The following CYP4F12 variants were observed in gnomAD, a reference collection of about 807,000 sequenced individuals.
The protein encoded by CYP4F12 is cytochrome P450 4F12.
Under a neutral mutation model 56.5 loss-of-function variants are expected in CYP4F12, and 60 were observed. That is an observed-to-expected ratio of 1.06 (90% CI 0.86 to 1.32). The LOEUF is 1.32. Among genes scored for constraint, CYP4F12 ranks in the 40% most tolerant of loss-of-function variants. CYP4F12 has a pLI of 0.00. For missense variants in CYP4F12, 711 were observed against 683.5 expected, an observed-to-expected ratio of 1.04 and a Z score of -0.45; for synonymous variants, 263 against 264.9, an observed-to-expected ratio of 0.99 and a Z score of 0.07.
At chr19:15,694,840 AG>A (rs1256766099) in intron 9 of CYP4F12, among the ~76,000 whole-genome samples, 2 of 152,244 alleles carry the variant, frequency 1.3e-5, no homozygotes, top group Admixed American at 1.3e-4. Flanking sequence ...ATCATTAAAA[AG>A]TCAGGAAACA....
intron 9 of CYP4F12, among the ~76,000 whole-genome samples, chr19:15,688,664 A>C (rs528831508): frequency 6.6e-6 from 1 of 152,326 alleles, no homozygotes; most frequent in East Asian, 1.9e-4. Flanking sequence ...AATACCAAGC[A>C]AAAAGAAAAA....
chr19:15,694,569 T>C (rs2008032738), intron 9 of CYP4F12, among the ~76,000 whole-genome samples: 1 of 152,202 alleles, frequency 6.6e-6, no homozygotes, highest in African/African-American at 2.4e-5. Context: ...AAGTTGCTTA[T>C]CAGCTTAAGG....
intron 7 of CYP4F12, chr19:15,684,583 G>C (rs948213267): frequency 2.2e-6 from 1 of 451,878 alleles, no homozygotes; most frequent in Non-Finnish European, 3.9e-6. Flanking sequence ...ATTGATTCCT[G>C]TCACCAGGGT....
chr19:15,686,100 T>TAGGCAAGG (rs2007590716), intron 9 of CYP4F12, among the ~76,000 whole-genome samples: 1 of 152,082 alleles, frequency 6.6e-6, no homozygotes, highest in African/African-American at 2.4e-5. Context: ...CCAGTCCACA[T>TAGGCAAGG]AGGCAAGGAT....
rs952859841 is a variant in CYP4F12, at chr19:15,687,175, G to C, written c.1115+1978G>C. On this transcript the variant is annotated intron_variant, in intron 9 of 12. Transcript: ENST00000550308. ...GCCTGTAGTCCCAGCTACTCTGGAG[G>C]CTGAGGCAGGAGAATGGCGTGAACC... 5.3e-5 allele frequency among the ~76,000 whole-genome samples: 8 copies of C among 152,008 alleles called. No individual in the cohort carries two copies. The East Asian group carries it at 1.4e-3, about 26-fold the overall frequency.
intron 9 of CYP4F12, among the ~76,000 whole-genome samples, chr19:15,690,322 C>T (rs1282659645): frequency 6.6e-6 from 1 of 152,154 alleles, no homozygotes; most frequent in African/African-American, 2.4e-5. Flanking sequence ...ATCTCATATA[C>T]TCATCATTTT....
At chr19:15,674,715 C>CCT (rs2006834205) in intron 2 of CYP4F12, among the ~76,000 whole-genome samples, 1 of 150,270 alleles carries the variant, frequency 6.7e-6, no homozygotes, top group Non-Finnish European at 1.5e-5. Context: ...CTCTACCCAC[C>CCT]GACTCATTCC....
intron 7 of CYP4F12, chr19:15,684,416 G>A (rs539134208): frequency 1.1e-5 from 2 of 177,804 alleles, no homozygotes; most frequent in Non-Finnish European, 2.3e-5. Context: ...GATTCTCTGG[G>A]TTTACCACTC....
At chr19:15,687,617 C>T (rs1300531786) in intron 9 of CYP4F12, among the ~76,000 whole-genome samples, 12 of 151,720 alleles carry the variant, frequency 7.9e-5, no homozygotes, top group African/African-American at 2.9e-4. Context: ...CTGCATTCTA[C>T]TCTGTGAGAC....
intron 9 of CYP4F12, among the ~76,000 whole-genome samples, chr19:15,693,820 A>G: frequency 6.8e-6 from 1 of 146,584 alleles, no homozygotes. Context: ...TTATGGTTTT[A>G]GGTCTAACGT....
At chr19:15,679,403 A>C (rs2007159235) in intron 3 of CYP4F12, among the ~76,000 whole-genome samples, 1 of 152,172 alleles carries the variant, frequency 6.6e-6, no homozygotes, top group Non-Finnish European at 1.5e-5. Context: ...CCGTTCTCTT[A>C]TCTGTCAACC....
chr19:15,694,886 A>G (rs1286123581), intron 9 of CYP4F12, among the ~76,000 whole-genome samples: 1 of 152,186 alleles, frequency 6.6e-6, no homozygotes, highest in Non-Finnish European at 1.5e-5. Context: ...AAATAGGAAC[A>G]CTTTTACACT....
chr19:15,695,877 A>T (rs1261491230), intron 9 of CYP4F12, 59 bp from the exon 10 acceptor site: 19 of 1,542,140 alleles, frequency 1.2e-5, no homozygotes, highest in African/African-American at 2.8e-5. Flanking sequence ...CAAATAGAAA[A>T]GGTGGAGAGT....
intron 2 of CYP4F12, 62 bp from the exon 3 acceptor site, chr19:15,678,199 C>A (rs2007087442): frequency 3.7e-6 from 6 of 1,602,586 alleles, no homozygotes; most frequent in Non-Finnish European, 5.1e-6. Context: ...TCCCTTAGCC[C>A]AGTCTAGTGG....
At position 15,682,195 on chromosome 19, in the gene CYP4F12, C is replaced by A; in HGVS notation, c.526-194C>A. On this transcript the variant is annotated intron_variant, in intron 5 of 12. Coordinates refer to ENST00000550308, the MANE Select transcript of CYP4F12 (RefSeq NM_023944.4). Reference sequence around the variant, plus strand: ...TGAGACTTGAATGCAGGTCTCTTGACTCCAAGCCATGGGTCTTCATCTCCT... The same window carrying A: ...TGAGACTTGAATGCAGGTCTCTTGAATCCAAGCCATGGGTCTTCATCTCCT... The A allele has an allele frequency of 4.8e-6, 3 of 624,354 alleles. 1 individual carries two copies. In the South Asian group the frequency reaches 6.0e-5, roughly 13 times the overall value. 38.7% of individuals were successfully genotyped at this position (624,354 alleles called of 1,614,324 possible).
chr19:15,673,478 A>T lies in CYP4F12; in HGVS notation c.-1-51A>T, dbSNP rs887248255. Reference sequence around the variant, plus strand: ...CTTCGCCCCTATACACTGTCCCCGGAGCTCTTCCCTGGGCCTCAGGTCCTC... The same window carrying T: ...CTTCGCCCCTATACACTGTCCCCGGTGCTCTTCCCTGGGCCTCAGGTCCTC... On this transcript the variant is annotated intron_variant, in intron 1 of 12. Coordinates refer to ENST00000550308, the MANE Select transcript of CYP4F12 (RefSeq NM_023944.4). The T allele has an allele frequency of 5.1e-6, 8 of 1,562,274 alleles. No individual in the cohort carries two copies. The Admixed American group carries it at 1.4e-4, about 27-fold the overall frequency.
intron 2 of CYP4F12, among the ~76,000 whole-genome samples, chr19:15,674,592 C>A (rs2006817783): frequency 6.8e-6 from 1 of 146,764 alleles, no homozygotes; most frequent in Non-Finnish European, 1.5e-5. Context: ...TTCCTCTGCC[C>A]ACTCACTCAT....
chr19:15,683,571 C>T lies in CYP4F12; in HGVS notation c.726C>T (p.His242=). The T allele has an allele frequency of 6.2e-7, 1 of 1,614,174 alleles. No individual in the cohort carries two copies. The highest frequency in any genetic ancestry group is 1.1e-5 in the South Asian group (1 of 91,078). The part of the protein sequence containing the change: ...VEKRSQHILQ[H]MDFLYYLSHD... ...AAAGAAGCCAGCATATCCTCCAGCA[C>T]ATGGACTTTCTGTATTACCTCTCCC... Residue 242 remains histidine, a synonymous_variant, in exon 7 of 13, where the codon CAC becomes CAT. Transcript: ENST00000550308.
At chr19:15,691,014 ATT>A (rs538718726) in intron 9 of CYP4F12, among the ~76,000 whole-genome samples, 1 of 152,080 alleles carries the variant, frequency 6.6e-6, no homozygotes, top group South Asian at 2.1e-4. Flanking sequence ...TCTGACAGAT[ATT>A]TTTTCTGAGT....
Sources: allele counts gnomAD v4.1 joint callset (sites outside exome capture counted in the v4.1 genomes callset), GRCh38; gene constraint gnomAD v4.1.1; transcripts MANE v1.5; gene names NCBI Gene and HGNC (gene_info 2026-07-23, HGNC 2026-07-21).